The following LTF variants were observed in gnomAD, a reference collection of about 807,000 sequenced individuals.
LTF encodes the protein epididymis luminal protein 110.
In LTF, 91 loss-of-function variants were observed where a neutral mutation model predicts 87.2. The observed-to-expected ratio is 1.04, with a 90% confidence interval of 0.88 to 1.24. LTF has a LOEUF of 1.24. Among genes scored for constraint, LTF ranks in the 50% most tolerant of loss-of-function variants. The pLI, the probability that LTF is intolerant of heterozygous loss-of-function variation, is 0.00. For missense variants in LTF, 901 were observed against 904.3 expected (o/e 1.00, Z 0.05); for synonymous variants, 378 against 356.1 (o/e 1.06, Z -0.69).
At chr3:46,482,659 A>AGAAAGCAAGAAAGAAAGAAG (rs1553668626) in intron 1 of LTF, among the ~76,000 whole-genome samples, 3 of 60,204 alleles carry the variant, frequency 5.0e-5, no homozygotes, top group Non-Finnish European at 6.5e-5. Flanking sequence ...AAAGAAAGAA[A>AGAAAGCAAGAAAGAAAGAAG]GAAGGAAGGA....
exon 1 of LTF, chr3:46,485,222 G>A (rs1703501484): frequency 6.6e-6 from 1 of 152,222 alleles, no homozygotes; most frequent in South Asian, 2.1e-4. Context: ...CAGGCCAGCT[G>A]TGAAGGCCAC....
intron 1 of LTF, among the ~76,000 whole-genome samples, chr3:46,477,300 G>A (rs963144175): frequency 6.6e-6 from 1 of 152,182 alleles, no homozygotes; most frequent in Admixed American, 6.5e-5. Flanking sequence ...CCCTCCACTT[G>A]CCTCTGTGAG....
intron 14 of LTF, among the ~76,000 whole-genome samples, chr3:46,440,323 C>T (rs990076310): frequency 1.1e-4 from 16 of 152,144 alleles, no homozygotes; most frequent in African/African-American, 3.1e-4. Context: ...TATTCAAATG[C>T]TATTAGTGTA....
rs1434409741 is a variant in LTF at position 46,450,450 on chromosome 3, G to GC, written c.882+44dup. On this transcript the variant is annotated intron_variant, in intron 7 of 16. Coordinates refer to ENST00000231751, the MANE Select transcript of LTF (RefSeq NM_002343.6). ...AGGGAAGTAAGAAACCTTGCTCCCT[G>GC]CCCCCCATATCCAAGCAAGTGGGGA... The GC allele has an allele frequency of 1.0e-5, 16 of 1,561,542 alleles. No homozygotes were observed. The East Asian group carries it at 1.6e-4, about 16-fold the overall frequency.
chr3:46,458,998 T>G (rs1703011079), intron 2 of LTF, among the ~76,000 whole-genome samples: 1 of 152,264 alleles, frequency 6.6e-6, no homozygotes, highest in African/African-American at 2.4e-5. Context: ...CCTATGAAGT[T>G]GCCTCGGGAA....
intron 1 of LTF, chr3:46,463,408 T>C: frequency 1.0e-6 from 1 of 958,248 alleles, no homozygotes; most frequent in Non-Finnish European, 1.2e-6. Context: ...CTCCACCCAA[T>C]GCTCACACGG....
chr3:46,438,497 G>A (rs1317602077), intron 15 of LTF, among the ~76,000 whole-genome samples: 1 of 152,224 alleles, frequency 6.6e-6, no homozygotes, highest in Non-Finnish European at 1.5e-5. Context: ...CTAATATGCA[G>A]CTCTTCTAGA....
intron 15 of LTF, among the ~76,000 whole-genome samples, chr3:46,438,555 T>C (rs1265283759): frequency 6.6e-6 from 1 of 152,206 alleles, no homozygotes; most frequent in African/African-American, 2.4e-5. Flanking sequence ...ACCAGCTCAG[T>C]GTGCAGGTCG....
chr3:46,460,479 TGCTCAAA>T, intron 1 of LTF: 1 of 439,502 alleles, frequency 2.3e-6, no homozygotes, highest in Admixed American at 2.5e-5. Flanking sequence ...CTGCTTTTTT[TGCTCAAA>T]TACTGGTTCT....
At position 46,454,148 on chromosome 3, in the gene LTF, T is replaced by C. The variant is rs1005018668; in HGVS notation, c.703+157A>G. The C allele has an allele frequency of 8.4e-5, 61 of 721,996 alleles. 1 individual carries two copies. The highest frequency in any genetic ancestry group is 1.4e-4 in the Non-Finnish European group (59 of 409,314). 44.7% of individuals were successfully genotyped at this position (721,996 alleles called of 1,614,324 possible). A position where few individuals can be genotyped will look rare whatever the true frequency, so the allele number is the denominator to read the frequency against. On this transcript the variant is annotated intron_variant, in intron 6 of 16. Coordinates refer to ENST00000231751, the MANE Select transcript of LTF (RefSeq NM_002343.6). ...CAGGAGGTTTGAAGAAAACTGATCA[T>C]TTAAAATATGAAAGATCATAAAATC... is the stretch of plus-strand genomic sequence containing the variant.
chr3:46,477,253 C>T (rs1035719320), intron 1 of LTF, among the ~76,000 whole-genome samples: 1 of 152,184 alleles, frequency 6.6e-6, no homozygotes, highest in Non-Finnish European at 1.5e-5. Flanking sequence ...TTCTCATTGG[C>T]GGATAGTTCT....
intron 1 of LTF, among the ~76,000 whole-genome samples, chr3:46,475,515 AACACACACACACACACACACACACAC>A (rs59984149): frequency 1.1e-4 from 15 of 130,976 alleles, no homozygotes; most frequent in East Asian, 2.2e-4. Context: ...TCTCCCCCTA[AACACACACACACACACACACACACAC>A]ACACACACAC....
chr3:46,450,028 C>A lies in LTF; in HGVS notation c.883G>T (p.Glu295Ter). The change falls in exon 8 of 17, where the codon GAA becomes TAA. Residue 295 changes from glutamate (E) to a stop codon, truncating the protein, a stop_gained and splice_region_variant. Coordinates refer to ENST00000231751, the MANE Select transcript of LTF (RefSeq NM_002343.6). LOFTEE classifies it high-confidence loss of function. ...AIWNLLRQAQ[E>*]KFGKDKSPKF... ...GGTGACTTGTCCTTTCCAAACTTTT[C>A]CTAATTAAGAAAAAATAGAATTATG... The A allele has an allele frequency of 1.3e-6, 2 of 1,576,118 alleles. No individual in the cohort carries two copies. The highest frequency in any genetic ancestry group is 1.2e-5 in the South Asian group (1 of 85,472).
chr3:46,464,542 C>T (rs1462326833), intron 1 of LTF, among the ~76,000 whole-genome samples: 2 of 152,224 alleles, frequency 1.3e-5, no homozygotes, highest in African/African-American at 2.4e-5. Flanking sequence ...GGACCAAATC[C>T]TTAGGCGGGA....
chr3:46,467,306 C>G (rs1703228504), upstream of LTF, among the ~76,000 whole-genome samples: 1 of 152,082 alleles, frequency 6.6e-6, no homozygotes, highest in South Asian at 2.1e-4. Flanking sequence ...CTCAGGAGCT[C>G]ACAGCACTAT....
At chr3:46,473,237 ATC>A (rs1703317627) in intron 1 of LTF, among the ~76,000 whole-genome samples, 1 of 152,074 alleles carries the variant, frequency 6.6e-6, no homozygotes, top group Admixed American at 6.5e-5. Flanking sequence ...TTCTCCCATA[ATC>A]TGCTCCTGAA....
intron 5 of LTF, 67 bp from the exon 6 acceptor site, chr3:46,454,427 T>A: frequency 7.7e-7 from 1 of 1,296,416 alleles, no homozygotes; most frequent in Non-Finnish European, 1.1e-6. Context: ...TGTGGAACAG[T>A]AGCCCTGGCA....
At position 46,443,427 on chromosome 3, in the gene LTF, A is replaced by C. The variant is rs770282343; in HGVS notation, c.1655+14T>G. On this transcript the variant is annotated intron_variant, in intron 13 of 16. Coordinates refer to ENST00000231751, the MANE Select transcript of LTF (RefSeq NM_002343.6). Reference sequence around the variant, plus strand: ...GTAAGTCCCCATCCTGATGGAGCTCAGTCACAGACTCACCGGAAAGCCCCA... The same window carrying C: ...GTAAGTCCCCATCCTGATGGAGCTCCGTCACAGACTCACCGGAAAGCCCCA... The C allele has an allele frequency of 1.9e-6, 3 of 1,613,942 alleles. No homozygotes were observed. Among genetic ancestry groups the C allele is most frequent in the Admixed American group, 3.3e-5 (2 of 60,026 alleles).
At chr3:46,458,850 G>C (rs111527115) in intron 2 of LTF, among the ~76,000 whole-genome samples, 29 of 152,268 alleles carry the variant, frequency 1.9e-4, no homozygotes, top group Middle Eastern at 3.4e-3. Flanking sequence ...CTGAAATTAC[G>C]GGCGTGAGCC....
Sources: gnomAD v4.1 joint callset for allele counts (sites outside exome capture counted in the v4.1 genomes callset) on GRCh38, gnomAD v4.1.1 for gene constraint, MANE v1.5 for transcripts, NCBI Gene and HGNC (gene_info 2026-07-23, HGNC 2026-07-21) for gene names.